The following UNC80 variants were observed in gnomAD, a reference collection of about 807,000 sequenced individuals.
UNC80 encodes unc-80 subunit of NALCN channel complex.
UNC80 carries 164 observed loss-of-function variants against 384.6 expected under a neutral mutation model. That is an observed-to-expected ratio of 0.43 (90% CI 0.38 to 0.49). The LOEUF (loss-of-function observed/expected upper bound fraction) is 0.49, where lower values mean the gene tolerates loss of function less well. Ranked by LOEUF, UNC80 falls within the 20% of genes least tolerant of loss-of-function variation. UNC80 has a pLI of 0.00. For missense variants in UNC80, 3,330 were observed against 4,143.0 expected (o/e 0.80, Z 5.39); for synonymous variants, 1,486 against 1,527.8 (o/e 0.97, Z 0.64).
intron 7 of UNC80, among the ~76,000 whole-genome samples, chr2:209,799,368 G>T (rs929620741): frequency 1.3e-5 from 2 of 151,896 alleles, no homozygotes; most frequent in Admixed American, 6.6e-5. Flanking sequence ...GATTTGGCTC[G>T]CTGCTTACCT....
chr2:209,867,272 C>A (rs1434342956), intron 22 of UNC80, among the ~76,000 whole-genome samples: 1 of 152,202 alleles, frequency 6.6e-6, no homozygotes, highest in Non-Finnish European at 1.5e-5. Context: ...TTTTATCCAT[C>A]TTCCTAAGTG....
intron 22 of UNC80, among the ~76,000 whole-genome samples, chr2:209,855,813 A>G (rs2082870259): frequency 6.6e-6 from 1 of 152,054 alleles, no homozygotes; most frequent in South Asian, 2.1e-4. Flanking sequence ...TGATGCATTT[A>G]GTGTTAATAT....
chr2:209,793,845 C>T lies in UNC80; in HGVS notation c.924C>T (p.Gly308=), dbSNP rs1241203382. Residue 308 remains glycine (G), a synonymous_variant, in exon 7 of 65, where the codon GGC becomes GGT. Coordinates refer to ENST00000673920, the MANE Select transcript of UNC80 (RefSeq NM_001371986.1). ...CCTCCCAAACTTCCCAGGAAAGAGG[C>T]CCATCACATTCCAGGTACCTGATTG... The part of the protein sequence containing the change: ...SLSSQTSQER[G]PSHSRASLVI... 4 of 1,613,924 alleles carry T rather than the reference C, an allele frequency of 2.5e-6. No individual in the cohort carries two copies. The highest frequency in any genetic ancestry group is 3.4e-6 in the Non-Finnish European group (4 of 1,179,980).
intron 26 of UNC80, among the ~76,000 whole-genome samples, chr2:209,890,814 T>C (rs2086258943): frequency 6.6e-6 from 1 of 152,232 alleles, no homozygotes; most frequent in South Asian, 2.1e-4. Context: ...TTGTTGGGTT[T>C]TTAAATATAC....
intron 25 of UNC80, among the ~76,000 whole-genome samples, chr2:209,881,460 C>T (rs1031073444): frequency 3.3e-5 from 5 of 152,118 alleles, no homozygotes; most frequent in African/African-American, 1.2e-4. Flanking sequence ...ACCAACTGCT[C>T]ATAAATCTGT....
intron 22 of UNC80, among the ~76,000 whole-genome samples, chr2:209,855,935 G>A (rs1350220697): frequency 2.0e-5 from 3 of 151,816 alleles, no homozygotes; most frequent in African/African-American, 7.3e-5. Flanking sequence ...GCTAATTTTA[G>A]CAATGCCCTT....
chr2:209,807,694 A>C (rs2078995983), intron 7 of UNC80, among the ~76,000 whole-genome samples: 4 of 151,762 alleles, frequency 2.6e-5, no homozygotes, highest in Admixed American at 2.6e-4. Context: ...AGTTGTGAAA[A>C]TTTATTTCTC....
rs2093517831 is a variant in UNC80, at chr2:209,998,716, C to T, written c.*3121C>T. On this transcript the variant is annotated 3_prime_UTR_variant, in exon 65 of 65. Transcript: ENST00000673920. ...AAATGAATAGAAGTACAGTCTGAAA[C>T]ATGAATTAAATATCCTTCCTCAAGT... 1 of 152,196 alleles carries T rather than the reference C, an allele frequency of 6.6e-6. No homozygotes were observed. Among genetic ancestry groups the T allele is most frequent in the Admixed American group, 6.5e-5 (1 of 15,284 alleles). The allele number at this position is 152,196 out of a possible 1,614,324, so 9.4% of individuals were successfully genotyped here. A position where few individuals can be genotyped will look rare whatever the true frequency, so the allele number is the denominator to read the frequency against.
At chr2:209,777,582 A>G in intron 4 of UNC80, 23 bp downstream of exon 4, 1 of 1,581,474 alleles carries the variant, frequency 6.3e-7, no homozygotes. Flanking sequence ...CCAGTGTTAG[A>G]GCTGGAGTGG....
At chr2:209,948,153 GTA>G (rs1201307335) in intron 47 of UNC80, among the ~76,000 whole-genome samples, 1 of 152,054 alleles carries the variant, frequency 6.6e-6, no homozygotes, top group Non-Finnish European at 1.5e-5. Flanking sequence ...GAATGTTTTT[GTA>G]TATGTCTTTG....
rs1212849537 is a variant in UNC80 at position 209,921,607 on chromosome 2, C to T, written c.5451C>T (p.Ser1817=). Residue 1817 remains serine (S), a synonymous_variant, in exon 34 of 65, where the codon AGC becomes AGT. Coordinates refer to ENST00000673920, the MANE Select transcript of UNC80 (RefSeq NM_001371986.1). ...EEKKRLGREA[S]LITAIPITQE... ...AGAAACGACTTGGTAGAGAAGCCAG[C>T]CTCATCACTGCCATCCCCATCACCC... is the stretch of plus-strand genomic sequence containing the variant. 1 of 1,551,716 alleles carries T rather than the reference C, an allele frequency of 6.4e-7. No individual in the cohort carries two copies. Among genetic ancestry groups the T allele is most frequent in the Admixed American group, 2.0e-5 (1 of 51,002 alleles).
At chr2:209,815,165 A>G (rs1574565957) in intron 8 of UNC80, 92 bp from the exon 9 acceptor site, 4 of 1,286,110 alleles carry the variant, frequency 3.1e-6, no homozygotes, top group Middle Eastern at 1.9e-4. Flanking sequence ...TCAAAGCTAT[A>G]GGCGCATCCC....
At chr2:209,930,004 T>G (rs1410777200) in intron 37 of UNC80, 33 bp downstream of exon 37, 1 of 1,405,596 alleles carries the variant, frequency 7.1e-7, no homozygotes, top group African/African-American at 1.5e-5. Flanking sequence ...TGTAGCTCTG[T>G]GGCTACAAGT....
chr2:209,978,769 G>A, intron 59 of UNC80, 61 bp downstream of exon 59: 3 of 1,396,800 alleles, frequency 2.1e-6, no homozygotes, highest in Non-Finnish European at 2.8e-6. Context: ...CAGGGGCTTG[G>A]GAAGGATTAC....
chr2:209,982,961 C>CAT (rs2093194708), intron 60 of UNC80: 1 of 151,064 alleles, frequency 6.6e-6, no homozygotes, highest in Non-Finnish European at 1.5e-5. Context: ...TATATACACA[C>CAT]ACACACACAC....
chr2:209,995,542 A>C lies in UNC80; in HGVS notation c.9922A>C (p.Thr3308Pro). ...GCTACTATCTAGTCAGTTCACCTTT[A>C]CTCCCACTGAGCTGGGGAAAACGGA... Reference protein sequence around the residue: ...NPLLSSQFTFTPTELGKTDAV... With the variant: ...NPLLSSQFTFPPTELGKTDAV... The change falls in exon 65 of 65, where the codon ACT becomes CCT. Residue 3308 changes from threonine to proline, a missense_variant. By Grantham distance (38) the Thr-to-Pro change is conservative. Coordinates refer to ENST00000673920, the MANE Select transcript of UNC80 (RefSeq NM_001371986.1). The C allele has an allele frequency of 6.4e-7, 1 of 1,551,906 alleles. No homozygotes were observed. The highest frequency in any genetic ancestry group is 8.7e-7 in the Non-Finnish European group (1 of 1,147,054).
At chr2:209,829,897 A>G (rs2080829126) in intron 15 of UNC80, among the ~76,000 whole-genome samples, 1 of 152,230 alleles carries the variant, frequency 6.6e-6, no homozygotes, top group African/African-American at 2.4e-5. Flanking sequence ...AAAAAGGCAA[A>G]TGGATGCACA....
chr2:209,788,345 A>T (rs2077578764), intron 5 of UNC80, among the ~76,000 whole-genome samples: 1 of 151,438 alleles, frequency 6.6e-6, no homozygotes, highest in African/African-American at 2.4e-5. Context: ...TGAACCTGGG[A>T]GGTGGAGGTT....
intron 6 of UNC80, among the ~76,000 whole-genome samples, chr2:209,790,007 G>A (rs901571183): frequency 6.6e-6 from 1 of 152,156 alleles, no homozygotes; most frequent in South Asian, 2.1e-4. Context: ...GTAGAATAAT[G>A]CTGCCGGAGG....
Sources: gnomAD v4.1 joint callset for allele counts (sites outside exome capture counted in the v4.1 genomes callset) on GRCh38, gnomAD v4.1.1 for gene constraint, MANE v1.5 for transcripts, NCBI Gene and HGNC (gene_info 2026-07-23, HGNC 2026-07-21) for gene names.